PKP2: variants seen among roughly 807,000 people sequenced by gnomAD.
The protein encoded by PKP2 is plakophilin 2, also known as plakophilin-2.
Under a neutral mutation model 83.4 loss-of-function variants are expected in PKP2, and 73 were observed. The ratio of observed to expected loss-of-function variants is 0.88; its 90% CI spans 0.72 to 1.06. The LOEUF is 1.06. PKP2 is among the 50% of genes least tolerant of loss of function. The probability of loss-of-function intolerance (pLI) is 0.00; values close to 1 mark genes in which losing one functional copy is unlikely to be tolerated. For synonymous variants in PKP2, 409 were observed against 430.4 expected (o/e 0.95, Z 0.62); for missense variants, 966 against 1,065.4 (o/e 0.91, Z 1.30).
intron 1 of PKP2, among the ~76,000 whole-genome samples, chr12:32,892,819 G>C (rs1287041960): frequency 8.4e-5 from 2 of 23,684 alleles, no homozygotes; most frequent in Admixed American, 8.2e-4. Flanking sequence ...GGGTGGGGGC[G>C]GGGGGGGGGG....
At chr12:32,867,536 C>T (rs1334999503) in intron 4 of PKP2, among the ~76,000 whole-genome samples, 1 of 152,026 alleles carries the variant, frequency 6.6e-6, no homozygotes, top group Admixed American at 6.6e-5. Context: ...AAAAATCAAC[C>T]AACAAAACTG....
intron 8 of PKP2, 147 bp from the exon 9 acceptor site, chr12:32,821,676 A>T: frequency 1.4e-6 from 1 of 711,214 alleles, no homozygotes; most frequent in Non-Finnish European, 2.4e-6. Context: ...AAAAGCAAAT[A>T]TATATAATTT....
chr12:32,896,657 C>T lies in PKP2; in HGVS notation c.75G>A (p.Leu25=), dbSNP rs1957128497. 1.3e-6 allele frequency: 2 copies of T among 1,563,018 alleles called. No individual in the cohort carries two copies. Among genetic ancestry groups the T allele is most frequent in the Non-Finnish European group, 8.6e-7 (1 of 1,163,748 alleles). Residue 25 remains leucine (L), a synonymous_variant, in exon 1 of 13, where the codon CTG becomes CTA. Transcript: ENST00000340811. ...AGGGCAGCGCCAGGCTGGAGCTGTC[C>T]AGTTGTCCCAGGATCTGCTGGCCCA... The part of the protein sequence containing the change: ...TVLGQQILGQ[L]DSSSLALPSE...
chr12:32,892,235 CTTTTT>C (rs1012292214), intron 1 of PKP2, among the ~76,000 whole-genome samples: 3 of 151,584 alleles, frequency 2.0e-5, no homozygotes, highest in African/African-American at 7.3e-5. Flanking sequence ...CAATGTCTAA[CTTTTT>C]TTTAACAGTA....
chr12:32,799,741 C>T (rs1280292308), intron 10 of PKP2, among the ~76,000 whole-genome samples: 1 of 151,904 alleles, frequency 6.6e-6, no homozygotes, highest in African/African-American at 2.4e-5. Flanking sequence ...TATGAGGATG[C>T]AAAGGAACAA....
intron 4 of PKP2, among the ~76,000 whole-genome samples, chr12:32,854,434 A>G (rs1956727536): frequency 6.6e-6 from 1 of 152,240 alleles, no homozygotes; most frequent in Admixed American, 6.5e-5. Flanking sequence ...CCATTTTATC[A>G]AGCAAATGGA....
intron 5 of PKP2, among the ~76,000 whole-genome samples, chr12:32,848,244 G>A (rs748115861): frequency 2.3e-4 from 35 of 152,064 alleles, no homozygotes; most frequent in Non-Finnish European, 4.3e-4. Flanking sequence ...TCAACGTGGC[G>A]AAACCCCGTC....
intron 9 of PKP2, among the ~76,000 whole-genome samples, chr12:32,816,268 T>C (rs1598264): frequency 0.73 from 110,508 of 151,976 alleles, 41,197 homozygotes; most frequent in Non-Finnish European, 0.82. Flanking sequence ...CCAGTGTCTA[T>C]TGTTGCCATC....
intron 3 of PKP2, 102 bp from the exon 4 acceptor site, chr12:32,869,164 G>C: frequency 7.5e-7 from 1 of 1,334,072 alleles, no homozygotes; most frequent in Non-Finnish European, 1.1e-6. Flanking sequence ...GGAAGCACTA[G>C]AACATCTGAA....
intron 6 of PKP2, among the ~76,000 whole-genome samples, chr12:32,840,165 C>T (rs930932533): frequency 1.3e-5 from 2 of 152,212 alleles, no homozygotes; most frequent in Non-Finnish European, 2.9e-5. Context: ...CCTGAGAATT[C>T]TAACAACTTC....
Position 32,868,977 on chromosome 12 carries a change from C to A in PKP2, c.1120G>T (p.Ala374Ser), listed in dbSNP as rs1253811313. The change falls in exon 4 of 13, where the codon GCT becomes TCT. Residue 374 changes from alanine (A) to serine (S), a missense_variant. Physicochemically the swap from Ala to Ser is moderately conservative, Grantham distance 99. Transcript: ENST00000340811. Reference sequence around the variant, plus strand: ...AAGCACTCGTGCTGTATGAAAGTAGCTGCAGCAGAAATCCTGGATGGCAGC... The same window carrying A: ...AAGCACTCGTGCTGTATGAAAGTAGATGCAGCAGAAATCCTGGATGGCAGC... ...HMLPSRISAA[A>S]TFIQHECFQK... 2 of 1,613,834 alleles carry A rather than the reference C, an allele frequency of 1.2e-6. No individual in the cohort carries two copies. Among genetic ancestry groups the A allele is most frequent in the Non-Finnish European group, 1.7e-6 (2 of 1,179,986 alleles).
intron 7 of PKP2, among the ~76,000 whole-genome samples, chr12:32,823,464 G>A (rs1956403167): frequency 1.3e-5 from 2 of 149,768 alleles, no homozygotes; most frequent in African/African-American, 4.9e-5. Flanking sequence ...GAAGGAACAA[G>A]TTTGGGAATG....
At chr12:32,829,964 GACCAGTCTTGA>G (rs1290879522) in intron 6 of PKP2, among the ~76,000 whole-genome samples, 5 of 152,160 alleles carry the variant, frequency 3.3e-5, no homozygotes, top group African/African-American at 1.2e-4. Context: ...CCTGGCCTGG[GACCAGTCTTGA>G]AGTTCTAATC....
rs145860607 is a variant in PKP2, at chr12:32,806,500, A to C, written c.2014-3944T>G. ...TTTCTAGATTTTCTAGTTTATGTGC[A>C]TAGAGGTATTCATAGTATTCTCTGA... On this transcript the variant is annotated intron_variant, in intron 9 of 12. Coordinates refer to ENST00000340811, the MANE Select transcript of PKP2 (RefSeq NM_001005242.3). Among the ~76,000 whole-genome samples, 455 of 152,258 alleles carry C rather than the reference A, an allele frequency of 3.0e-3. 5 individuals are homozygous for C. The highest frequency in any genetic ancestry group is 0.01 in the African/African-American group (426 of 41,554).
intron 11 of PKP2, among the ~76,000 whole-genome samples, chr12:32,795,878 G>A (rs1565572114): frequency 6.6e-6 from 1 of 152,210 alleles, no homozygotes; most frequent in Non-Finnish European, 1.5e-5. Context: ...TCTGGAGTCT[G>A]ACCCTCTGTT....
At chr12:32,869,451 T>A (rs1474342020) in intron 3 of PKP2, among the ~76,000 whole-genome samples, 3 of 151,844 alleles carry the variant, frequency 2.0e-5, no homozygotes, top group African/African-American at 7.3e-5. Flanking sequence ...CTGGGTGTGG[T>A]GGTATACACC....
intron 3 of PKP2, among the ~76,000 whole-genome samples, chr12:32,873,051 C>T (rs1225434109): frequency 6.6e-6 from 1 of 152,208 alleles, no homozygotes; most frequent in Non-Finnish European, 1.5e-5. Context: ...GATCCACCCT[C>T]TCTGCTTAGT....
intron 4 of PKP2, among the ~76,000 whole-genome samples, chr12:32,865,925 C>A (rs946192752): frequency 1.3e-5 from 2 of 151,968 alleles, no homozygotes; most frequent in Non-Finnish European, 2.9e-5. Flanking sequence ...AAATATATAA[C>A]ATTTACAAAA....
intron 9 of PKP2, among the ~76,000 whole-genome samples, chr12:32,815,849 C>T (rs372488154): frequency 2.0e-5 from 3 of 152,120 alleles, no homozygotes; most frequent in South Asian, 2.1e-4. Flanking sequence ...TCACTAATTC[C>T]GATTTGCTGA....
Sources: gnomAD v4.1 joint callset for allele counts (sites outside exome capture counted in the v4.1 genomes callset) on GRCh38, gnomAD v4.1.1 for gene constraint, MANE v1.5 for transcripts, NCBI Gene and HGNC (gene_info 2026-07-23, HGNC 2026-07-21) for gene names.